The following NELL1 variants were observed in gnomAD, a reference collection of about 807,000 sequenced individuals.
NELL1 encodes the protein neural EGFL like 1.
In NELL1, 76 loss-of-function variants were observed where a neutral mutation model predicts 107.4. The ratio of observed to expected loss-of-function variants is 0.71; its 90% confidence interval spans 0.59 to 0.86. The LOEUF (loss-of-function observed/expected upper bound fraction) is 0.86, where lower values mean the gene tolerates loss of function less well. Among genes scored for constraint, NELL1 ranks in the 40% least tolerant of loss-of-function variants. The pLI, the probability that NELL1 is intolerant of heterozygous loss-of-function variation, is 0.00. For missense variants in NELL1, 1,024 were observed against 1,005.5 expected, an observed-to-expected ratio of 1.02 and a Z score of -0.25; for synonymous variants, 353 against 341.2, an observed-to-expected ratio of 1.03 and a Z score of -0.38.
chr11:20,938,900 C>CTCTCTCTG (rs373222654), intron 10 of NELL1, among the ~76,000 whole-genome samples: 11 of 71,376 alleles, frequency 1.5e-4, no homozygotes, highest in African/African-American at 4.1e-4. Flanking sequence ...GCTCTCTCTT[C>CTCTCTCTG]TCTCTCTGTC....
At chr11:21,319,588 C>T (rs1413416871) in intron 14 of NELL1, among the ~76,000 whole-genome samples, 3 of 150,720 alleles carry the variant, frequency 2.0e-5, no homozygotes, top group South Asian at 4.2e-4. Flanking sequence ...GTGATCTGCC[C>T]GCCTCTGCCT....
chr11:20,910,332 C>A (rs1203385600), intron 5 of NELL1, among the ~76,000 whole-genome samples: 1 of 152,166 alleles, frequency 6.6e-6, no homozygotes, highest in East Asian at 1.9e-4. Flanking sequence ...ACAAGACTAG[C>A]CCCAGACTTA....
chr11:21,475,649 T>G (rs1189796984), intron 15 of NELL1, among the ~76,000 whole-genome samples: 1 of 152,176 alleles, frequency 6.6e-6, no homozygotes, highest in Non-Finnish European at 1.5e-5. Context: ...TTACAGTGGA[T>G]CTGGAGCAAA....
At chr11:20,779,463 C>A (rs1420319446) in intron 2 of NELL1, among the ~76,000 whole-genome samples, 1 of 152,086 alleles carries the variant, frequency 6.6e-6, no homozygotes, top group Non-Finnish European at 1.5e-5. Context: ...ATTTGTTTTT[C>A]CTGTTATCTC....
chr11:21,574,899 A>G (rs1231323150), intron 19 of NELL1, 73 bp from the exon 20 acceptor site: 1 of 1,266,058 alleles, frequency 7.9e-7, no homozygotes, highest in African/African-American at 1.5e-5. Context: ...AGTTGTTTTG[A>G]GTATAAAAAT....
At chr11:20,762,880 T>C (rs2133959467) in intron 2 of NELL1, among the ~76,000 whole-genome samples, 1 of 152,260 alleles carries the variant, frequency 6.6e-6, no homozygotes, top group East Asian at 1.9e-4. Context: ...AACTTAAAAG[T>C]ATACCTGCAC....
At chr11:20,997,236 T>TA (rs1254351258) in intron 12 of NELL1, among the ~76,000 whole-genome samples, 4 of 152,230 alleles carry the variant, frequency 2.6e-5, no homozygotes, top group African/African-American at 9.6e-5. Flanking sequence ...GCTTTGGATT[T>TA]AAGAGTTTAA....
At chr11:20,782,454 A>C (rs1438256568) in intron 2 of NELL1, among the ~76,000 whole-genome samples, 1 of 152,180 alleles carries the variant, frequency 6.6e-6, no homozygotes, top group Non-Finnish European at 1.5e-5. Flanking sequence ...AAATTATAGA[A>C]GGCTAAGGTG....
rs28835043 is a variant in NELL1, at chr11:21,290,406, A to G, written c.1549+60952A>G. On this transcript the variant is annotated intron_variant, in intron 14 of 19. Transcript: ENST00000357134. ...AATAAATAAAATAAATAGATAAATA[A>G]ATAAATAAATAAATAAATAAATAAA... is the stretch of plus-strand genomic sequence containing the variant. Among the ~76,000 whole-genome samples the G allele has an allele frequency of 5.4e-3, 465 of 85,670 alleles. 1 individual carries two copies. The highest frequency in any genetic ancestry group is 0.047 in the Middle Eastern group (7 of 150). The allele number at this position is 85,670 out of a possible 152,430, so 56.2% of individuals were successfully genotyped here.
intron 14 of NELL1, among the ~76,000 whole-genome samples, chr11:21,348,196 A>T (rs1475322003): frequency 6.6e-6 from 1 of 152,188 alleles, no homozygotes; most frequent in African/African-American, 2.4e-5. Context: ...TGCTCAGGCT[A>T]TTTCCCAAAC....
chr11:21,218,574 T>C (rs148356400), intron 13 of NELL1, among the ~76,000 whole-genome samples: 253 of 152,298 alleles, frequency 1.7e-3, no homozygotes, highest in African/African-American at 5.9e-3. Context: ...TACAGTGTTA[T>C]AGAACACTAC....
intron 2 of NELL1, among the ~76,000 whole-genome samples, chr11:20,732,161 G>A (rs995419046): frequency 2.0e-5 from 3 of 151,938 alleles, no homozygotes; most frequent in African/African-American, 7.3e-5. Flanking sequence ...GAGGTATTCT[G>A]GAGGAATGGG....
At chr11:21,222,488 AC>A (rs946244758) in intron 13 of NELL1, among the ~76,000 whole-genome samples, 1 of 151,846 alleles carries the variant, frequency 6.6e-6, no homozygotes, top group African/African-American at 2.4e-5. Context: ...GAGCCACCAC[AC>A]CTGGCTGATC....
intron 15 of NELL1, among the ~76,000 whole-genome samples, chr11:21,526,809 A>G (rs749703187): frequency 6.6e-6 from 1 of 152,236 alleles, no homozygotes; most frequent in Non-Finnish European, 1.5e-5. Flanking sequence ...CTGAAGCTGC[A>G]CACAGCAGAG....
At chr11:21,136,521 A>G (rs1855747147) in intron 13 of NELL1, among the ~76,000 whole-genome samples, 1 of 152,148 alleles carries the variant, frequency 6.6e-6, no homozygotes, top group African/African-American at 2.4e-5. Context: ...AGGTAGAGTA[A>G]GGGTAGTTGG....
chr11:20,694,198 CA>C (rs1265831887), intron 2 of NELL1, among the ~76,000 whole-genome samples: 3 of 152,020 alleles, frequency 2.0e-5, no homozygotes, highest in African/African-American at 7.2e-5. Flanking sequence ...AAATTTTTTT[CA>C]AAGTTTTCAA....
chr11:20,711,450 T>C (rs1466724833), intron 2 of NELL1, among the ~76,000 whole-genome samples: 1 of 152,140 alleles, frequency 6.6e-6, no homozygotes, highest in Non-Finnish European at 1.5e-5. Flanking sequence ...TATTTTTTTC[T>C]CATTGTGTTA....
chr11:21,110,257 A>C (rs1474361419), intron 12 of NELL1, among the ~76,000 whole-genome samples: 1 of 152,166 alleles, frequency 6.6e-6, no homozygotes, highest in Admixed American at 6.5e-5. Flanking sequence ...ATAATGGTAT[A>C]AACTGAAAAC....
intron 12 of NELL1, among the ~76,000 whole-genome samples, chr11:20,988,798 A>G (rs1279588235): frequency 6.6e-6 from 1 of 151,848 alleles, no homozygotes; most frequent in African/African-American, 2.4e-5. Context: ...CATGTTAGCC[A>G]GGATGGTCTC....
Sources: gnomAD v4.1 joint callset for allele counts (sites outside exome capture counted in the v4.1 genomes callset) on GRCh38, gnomAD v4.1.1 for gene constraint, MANE v1.5 for transcripts, NCBI Gene and HGNC (gene_info 2026-07-23, HGNC 2026-07-21) for gene names.